The following KIF1B variants were observed in gnomAD, a reference collection of about 807,000 sequenced individuals.
KIF1B encodes the protein kinesin-like protein KIF1B.
KIF1B carries 76 observed loss-of-function variants against 241.9 expected under a neutral mutation model. That is an observed-to-expected ratio of 0.31 (90% CI 0.26 to 0.38). The LOEUF is 0.38. KIF1B is among the 10% of genes least tolerant of loss of function. KIF1B has a pLI of 1.00. For missense variants in KIF1B, 1,622 were observed against 2,271.4 expected (o/e 0.71, Z 5.81); for synonymous variants, 750 against 796.7 (o/e 0.94, Z 0.99).
chr1:10,279,521 C>A, intron 14 of KIF1B, among the ~76,000 whole-genome samples: 1 of 152,002 alleles, frequency 6.6e-6, no homozygotes, highest in Non-Finnish European at 1.5e-5. Context: ...CTGTTAATGG[C>A]TCTGAAAATA....
chr1:10,236,216 G>C (rs1423703866), intron 2 of KIF1B, among the ~76,000 whole-genome samples: 99 of 152,042 alleles, frequency 6.5e-4, no homozygotes, highest in Non-Finnish European at 2.9e-5. Context: ...AGGTTGCAGT[G>C]AGCTGAGATC....
chr1:10,304,229 A>G, intron 22 of KIF1B: 1 of 1,614,214 alleles, frequency 6.2e-7, no homozygotes, highest in Non-Finnish European at 8.5e-7. Context: ...GCTTTTAAGG[A>G]TCCCCAGTTT....
At chr1:10,298,750 T>G (rs927423293) in intron 22 of KIF1B, among the ~76,000 whole-genome samples, 1 of 152,246 alleles carries the variant, frequency 6.6e-6, no homozygotes, top group Non-Finnish European at 1.5e-5. Context: ...TAGTGCTTTA[T>G]AATTTACAGA....
intron 14 of KIF1B, among the ~76,000 whole-genome samples, chr1:10,280,039 A>C (rs1159636753): frequency 6.6e-6 from 1 of 152,100 alleles, no homozygotes; most frequent in Non-Finnish European, 1.5e-5. Flanking sequence ...AAAATAACTT[A>C]GGTGTCTAAA....
intron 1 of KIF1B, among the ~76,000 whole-genome samples, chr1:10,211,192 C>G (rs1646688852): frequency 6.6e-6 from 1 of 152,246 alleles, no homozygotes; most frequent in Non-Finnish European, 1.5e-5. Flanking sequence ...TGGCCGTTCC[C>G]TGGGCTCCGC....
rs773182229 is a variant in KIF1B, at chr1:10,303,329, A to G, written c.2115+6083A>G. The G allele has an allele frequency of 6.2e-7, 1 of 1,614,198 alleles. No individual in the cohort carries two copies. The highest frequency in any genetic ancestry group is 8.5e-7 in the Non-Finnish European group (1 of 1,180,034). ...AAGAAACGTGAACCAATTAAAATGT[A>G]TCAGATACCCCAAAGAAGGCGCTTG... On this transcript the variant is annotated intron_variant, in intron 22 of 48. Transcript: ENST00000676179. This position sits in a 1 kb window ranked among gnomAD's most constrained non-coding sequence, Gnocchi z 5.2.
intron 1 of KIF1B, among the ~76,000 whole-genome samples, chr1:10,215,534 C>T (rs2027330): frequency 0.53 from 79,509 of 150,908 alleles, 21,477 homozygotes; most frequent in African/African-American, 0.65. Flanking sequence ...AACCATACTA[C>T]CCTCTACCAT....
chr1:10,326,091 G>T lies in KIF1B; in HGVS notation c.2676-20G>T. The stretch of plus-strand genomic sequence containing the variant: ...CCTCTCTCCCTGGCTGTGTTAATTG[G>T]CGTCTTACCTGGTGTCTAGCTCCCC... On this transcript the variant is annotated intron_variant, in intron 26 of 48. Transcript: ENST00000676179. The surrounding 1 kb of genome is among the most constrained non-coding windows in gnomAD (Gnocchi z 5.2). The T allele has an allele frequency of 6.2e-7, 1 of 1,613,534 alleles. No individual in the cohort carries two copies. Among genetic ancestry groups the T allele is most frequent in the Non-Finnish European group, 8.5e-7 (1 of 1,180,006 alleles).
intron 21 of KIF1B, 21 bp downstream of exon 21, chr1:10,297,098 C>T (rs1414274461): frequency 1.1e-5 from 18 of 1,613,424 alleles, no homozygotes; most frequent in African/African-American, 8.0e-5. Context: ...GTTACGCAGC[C>T]CATATGACTG....
At position 10,339,124 on chromosome 1, in the gene KIF1B, G is replaced by A. The variant is rs76637405; in HGVS notation, c.3423-645G>A. 4.0e-3 allele frequency among the ~76,000 whole-genome samples: 607 copies of A among 152,096 alleles called. 4 individuals are homozygous for A. Among genetic ancestry groups the A allele is most frequent in the African/African-American group, 0.014 (586 of 41,526 alleles). On this transcript the variant is annotated intron_variant, in intron 31 of 48. Transcript: ENST00000676179. ...AGAGAACGATAACATCTCACTATCT[G>A]TGAAAATAACTAAATATAGCCCATT...
chr1:10,306,784 A>G, intron 22 of KIF1B: 5 of 861,258 alleles, frequency 5.8e-6, no homozygotes, highest in Non-Finnish European at 7.1e-6. Context: ...AAAAAAAAAA[A>G]GGTAATATTT....
At chr1:10,321,916 T>G in intron 24 of KIF1B, 59 bp downstream of exon 24, 1 of 1,596,712 alleles carries the variant, frequency 6.3e-7, no homozygotes, top group Non-Finnish European at 8.6e-7. Context: ...TGTGGGTGCA[T>G]CTGGGTTCTC....
In KIF1B at chr1:10,211,000, A is replaced by G. The variant is rs1168106051; in HGVS notation, c.-80+122A>G. 1 of 151,706 alleles carries G rather than the reference A, an allele frequency of 6.6e-6. No homozygotes were observed. Among genetic ancestry groups the G allele is most frequent in the African/African-American group, 2.4e-5 (1 of 41,312 alleles). The allele number at this position is 151,706 out of a possible 1,614,324, so 9.4% of individuals were successfully genotyped here. ...GGGGTCTGAGGGGAGGTAGCGCGGG[A>G]CGGGCGCCGGGTGCGGGAGCCTCGC... On this transcript the variant is annotated intron_variant, in intron 1 of 48. Coordinates refer to ENST00000676179, the MANE Select transcript of KIF1B (RefSeq NM_001365951.3). This position sits in a 1 kb window ranked among gnomAD's most constrained non-coding sequence, Gnocchi z 4.1.
chr1:10,235,896 G>C (rs1647045243), intron 2 of KIF1B, among the ~76,000 whole-genome samples: 1 of 147,266 alleles, frequency 6.8e-6, no homozygotes, highest in Non-Finnish European at 1.5e-5. Context: ...ATAAATGAGA[G>C]TTTGGCAGAA....
At chr1:10,371,486 G>C (rs1638732162) in intron 45 of KIF1B, among the ~76,000 whole-genome samples, 1 of 152,150 alleles carries the variant, frequency 6.6e-6, no homozygotes, top group Admixed American at 6.5e-5. Context: ...AACTCATCAT[G>C]ACTGTCTTCT....
chr1:10,336,702 G>A lies in KIF1B; in HGVS notation c.3089G>A (p.Gly1030Glu), dbSNP rs1412464581. The A allele has an allele frequency of 6.2e-7, 1 of 1,613,916 alleles. No homozygotes were observed. The highest frequency in any genetic ancestry group is 8.5e-7 in the Non-Finnish European group (1 of 1,179,988). ...PDYGSGIRQSGTAKISFDNEY... is the reference protein window; with the variant it reads ...PDYGSGIRQSETAKISFDNEY... Reference sequence around the variant, plus strand: ...TATGGCTCTGGAATTCGACAGTCAGGAACAGCTAAAATATCTTTTGATAAT... The same window carrying A: ...TATGGCTCTGGAATTCGACAGTCAGAAACAGCTAAAATATCTTTTGATAAT... The change falls in exon 29 of 49, where the codon GGA (glycine) becomes GAA (glutamate). Residue 1030 changes from glycine (G) to glutamate (E), a missense_variant. Gly to Glu is a moderately conservative substitution (Grantham distance 98). Transcript: ENST00000676179.
At chr1:10,317,830 C>CAA (rs33956409) in intron 22 of KIF1B, among the ~76,000 whole-genome samples, 2,634 of 144,840 alleles carry the variant, frequency 0.018, 65 homozygotes, top group African/African-American at 0.021. Context: ...GACTCCACCT[C>CAA]AAAAAAAAAA....
chr1:10,351,223 T>G (rs1488876260), intron 37 of KIF1B, among the ~76,000 whole-genome samples: 1 of 152,088 alleles, frequency 6.6e-6, no homozygotes, highest in African/African-American at 2.4e-5. Context: ...AAGTACTGAA[T>G]GTCCTTTGAC....
At chr1:10,243,154 C>T (rs1000214399) in intron 2 of KIF1B, among the ~76,000 whole-genome samples, 11 of 152,234 alleles carry the variant, frequency 7.2e-5, no homozygotes, top group Middle Eastern at 3.4e-3. Context: ...TGGTGGCTCA[C>T]GCCTGTAATC....
Sources: gnomAD v4.1 joint callset for allele counts (sites outside exome capture counted in the v4.1 genomes callset) on GRCh38, gnomAD v4.1.1 for gene constraint, Gnocchi (gnomAD v3.1) non-coding constraint, MANE v1.5 for transcripts, NCBI Gene and HGNC (gene_info 2026-07-23, HGNC 2026-07-21) for gene names.